The following PDSS2 variants were observed in gnomAD, a reference collection of about 807,000 sequenced individuals.
The protein encoded by PDSS2 is all trans-polyprenyl-diphosphate synthase PDSS2.
In PDSS2, 31 loss-of-function variants were observed where a neutral mutation model predicts 44.5. The observed-to-expected ratio is 0.70, with a 90% CI of 0.52 to 0.94. The LOEUF (loss-of-function observed/expected upper bound fraction) is 0.94, where lower values mean the gene tolerates loss of function less well. PDSS2 is among the 40% of genes least tolerant of loss of function. The probability of loss-of-function intolerance (pLI) is 0.00; values close to 1 mark genes in which losing one functional copy is unlikely to be tolerated. For synonymous variants in PDSS2, 157 were observed against 180.3 expected, an observed-to-expected ratio of 0.87 and a Z score of 1.03; for missense variants, 452 against 482.2, an observed-to-expected ratio of 0.94 and a Z score of 0.59.
intron 2 of PDSS2, among the ~76,000 whole-genome samples, chr6:107,301,550 T>A (rs907503696): frequency 6.6e-6 from 1 of 152,250 alleles, no homozygotes; most frequent in Non-Finnish European, 1.5e-5. Context: ...GGGTATCTTA[T>A]CACAGACTGT....
chr6:107,329,353 A>T (rs1383184434), intron 2 of PDSS2, among the ~76,000 whole-genome samples: 2 of 152,124 alleles, frequency 1.3e-5, no homozygotes, highest in African/African-American at 4.8e-5. Context: ...CCCACAATTT[A>T]TCCAGGATAT....
rs1770786114 is a variant in PDSS2, at chr6:107,153,764, T to G, written c.*855A>C. 1 of 152,506 alleles carries G rather than the reference T, an allele frequency of 6.6e-6. No individual in the cohort carries two copies. Among genetic ancestry groups the G allele is most frequent in the African/African-American group, 2.4e-5 (1 of 41,442 alleles). 9.4% of individuals were successfully genotyped at this position (152,506 alleles called of 1,614,324 possible). ...AAAAACCATAAAGCACAAAGTATAT[T>G]CATACTGCATTATAAATCCAGAGAC... On this transcript the variant is annotated 3_prime_UTR_variant, in exon 8 of 8. Coordinates refer to ENST00000369037, the MANE Select transcript of PDSS2 (RefSeq NM_020381.4).
intron 3 of PDSS2, among the ~76,000 whole-genome samples, chr6:107,259,035 T>C (rs1009931359): frequency 5.9e-5 from 9 of 152,180 alleles, no homozygotes; most frequent in Admixed American, 5.9e-4. Context: ...TACCATTTAT[T>C]AGCAGTGTTA....
chr6:107,304,559 G>A (rs1052328306), intron 2 of PDSS2, among the ~76,000 whole-genome samples: 2 of 152,174 alleles, frequency 1.3e-5, no homozygotes, highest in African/African-American at 4.8e-5. Flanking sequence ...GGATCAATGT[G>A]CTCAGCTACT....
At chr6:107,296,228 C>G (rs540130986) in intron 2 of PDSS2, among the ~76,000 whole-genome samples, 27 of 152,262 alleles carry the variant, frequency 1.8e-4, no homozygotes, top group African/African-American at 6.0e-4. Flanking sequence ...TACCCTAACA[C>G]ATGGTGAGAA....
At chr6:107,181,440 G>A (rs1029322181) in intron 7 of PDSS2, among the ~76,000 whole-genome samples, 6 of 151,232 alleles carry the variant, frequency 4.0e-5, no homozygotes, top group African/African-American at 1.5e-4. Context: ...GGCTGAGGTA[G>A]GAGAATTGCT....
At chr6:107,171,305 G>A (rs1319680867) in intron 7 of PDSS2, among the ~76,000 whole-genome samples, 4 of 152,040 alleles carry the variant, frequency 2.6e-5, no homozygotes, top group African/African-American at 4.8e-5. Flanking sequence ...GGCACTACAG[G>A]CACGTGCCAC....
At chr6:107,369,153 C>T (rs543964234) in intron 1 of PDSS2, among the ~76,000 whole-genome samples, 15 of 152,344 alleles carry the variant, frequency 9.8e-5, no homozygotes, top group African/African-American at 3.6e-4. Flanking sequence ...GGCAAAGTGG[C>T]TCACGCCTGT....
chr6:107,276,581 T>C (rs149067418), intron 2 of PDSS2, among the ~76,000 whole-genome samples: 10 of 152,256 alleles, frequency 6.6e-5, no homozygotes, highest in African/African-American at 2.2e-4. Flanking sequence ...TGGGAGGTGG[T>C]CTGTTTTGCA....
At chr6:107,283,361 C>T (rs1166148498) in intron 2 of PDSS2, among the ~76,000 whole-genome samples, 1 of 151,112 alleles carries the variant, frequency 6.6e-6, no homozygotes, top group Non-Finnish European at 1.5e-5. Flanking sequence ...AAAAACCCAC[C>T]AGAATCGTTC....
At chr6:107,300,819 A>G (rs1225915340) in intron 2 of PDSS2, among the ~76,000 whole-genome samples, 1 of 152,200 alleles carries the variant, frequency 6.6e-6, no homozygotes, top group Non-Finnish European at 1.5e-5. Flanking sequence ...ATATTCACAC[A>G]TATGTACACA....
chr6:107,157,650 T>C lies in PDSS2; in HGVS notation c.1042-2873A>G, dbSNP rs150915930. Among the ~76,000 whole-genome samples the C allele has an allele frequency of 6.1e-3, 928 of 151,626 alleles. 10 individuals carry two copies. The highest frequency in any genetic ancestry group is 0.022 in the African/African-American group (892 of 41,384). On this transcript the variant is annotated intron_variant, in intron 7 of 7. Transcript: ENST00000369037. Reference sequence around the variant, plus strand: ...ACCTGGAGTACTCCCTGTGCACATCTGGAGTAGTGTATTGTTTTAGCGTTT... The same window carrying C: ...ACCTGGAGTACTCCCTGTGCACATCCGGAGTAGTGTATTGTTTTAGCGTTT...
At position 107,385,491 on chromosome 6, in the gene PDSS2, C is replaced by G. The variant is rs115762061; in HGVS notation, c.297-51159G>C. Reference sequence around the variant, plus strand: ...TTAGTACTTACTAAATGAATGGGAACAAAATCACAACAAGATCACAATCTT... The same window carrying G: ...TTAGTACTTACTAAATGAATGGGAAGAAAATCACAACAAGATCACAATCTT... On this transcript the variant is annotated intron_variant, in intron 1 of 7. Transcript: ENST00000369037. Among the ~76,000 whole-genome samples, 643 of 152,256 alleles carry G rather than the reference C, an allele frequency of 4.2e-3. 4 individuals are homozygous for G. Among genetic ancestry groups the G allele is most frequent in the African/African-American group, 0.014 (598 of 41,554 alleles).
intron 2 of PDSS2, among the ~76,000 whole-genome samples, chr6:107,318,939 G>A (rs750045866): frequency 6.6e-6 from 1 of 152,052 alleles, no homozygotes; most frequent in African/African-American, 2.4e-5. Flanking sequence ...AGTGAGCCGA[G>A]ATTGTGCCAT....
intron 1 of PDSS2, among the ~76,000 whole-genome samples, chr6:107,424,471 G>A (rs1399841556): frequency 6.6e-6 from 1 of 151,972 alleles, no homozygotes; most frequent in Non-Finnish European, 1.5e-5. Flanking sequence ...ATAAACATTT[G>A]TTGATCAACT....
intron 1 of PDSS2, among the ~76,000 whole-genome samples, chr6:107,429,901 A>AAAAAATAT (rs1166637352): frequency 2.1e-3 from 68 of 31,750 alleles, no homozygotes; most frequent in Non-Finnish European, 2.7e-3. Flanking sequence ...AAAAAAAAAA[A>AAAAAATAT]ATATATATAT....
In PDSS2 at chr6:107,261,578, C is replaced by CTTTTTTTT. The variant is rs36106088; in HGVS notation, c.630+12443_630+12450dup. On this transcript the variant is annotated intron_variant, in intron 3 of 7. Coordinates refer to ENST00000369037, the MANE Select transcript of PDSS2 (RefSeq NM_020381.4). ...CCAGTCTCAGGTATTTCTTTTCTTT[C>CTTTTTTTT]TTTTTTTTTTTTTTTTTTGAGATGG... Among the ~76,000 whole-genome samples, 14 of 112,814 alleles carry CTTTTTTTT rather than the reference C, an allele frequency of 1.2e-4. 1 individual carries two copies. The highest frequency in any genetic ancestry group is 2.1e-4 in the Non-Finnish European group (11 of 52,080). The allele number at this position is 112,814 out of a possible 152,430, so 74.0% of individuals were successfully genotyped here. A position where few individuals can be genotyped will look rare whatever the true frequency, so the allele number is the denominator to read the frequency against.
intron 1 of PDSS2, among the ~76,000 whole-genome samples, chr6:107,437,262 C>T (rs1381240930): frequency 6.6e-6 from 1 of 152,182 alleles, no homozygotes; most frequent in Non-Finnish European, 1.5e-5. Context: ...CGGCTCACAC[C>T]TGTAATCCCA....
intron 1 of PDSS2, among the ~76,000 whole-genome samples, chr6:107,443,516 TA>T (rs202019052): frequency 0.011 from 1,687 of 152,198 alleles, 25 homozygotes; most frequent in African/African-American, 0.038. Flanking sequence ...CTTTCAGCAA[TA>T]AAAAAAATGT....
Sources: gnomAD v4.1 joint callset for allele counts (sites outside exome capture counted in the v4.1 genomes callset) on GRCh38, gnomAD v4.1.1 for gene constraint, MANE v1.5 for transcripts, NCBI Gene and HGNC (gene_info 2026-07-23, HGNC 2026-07-21) for gene names.